Variants in GPR35 observed in about 807,000 individuals in gnomAD.
The protein encoded by GPR35 is G protein-coupled receptor 35.
For synonymous variants in GPR35, 207 were observed against 198.4 expected (o/e 1.04, Z -0.36); for missense variants, 372 against 422.5 (o/e 0.88, Z 1.05).
chr2:240,617,463 C>A, intron 4 of GPR35: 1 of 538,658 alleles, frequency 1.9e-6, no homozygotes, highest in Non-Finnish European at 3.3e-6. Flanking sequence ...AACCCTAATG[C>A]TAGTTTCATT....
upstream of GPR35, among the ~76,000 whole-genome samples, chr2:240,621,285 C>G (rs1321049644): frequency 6.6e-6 from 1 of 152,122 alleles, no homozygotes; most frequent in East Asian, 1.9e-4. Context: ...GATGGAGTCT[C>G]CCTCTATCGC....
upstream of GPR35, among the ~76,000 whole-genome samples, chr2:240,623,097 A>G (rs939284365): frequency 5.3e-5 from 8 of 152,164 alleles, no homozygotes; most frequent in African/African-American, 1.4e-4. Context: ...AGCACCTGAT[A>G]TGTCCCCGGC....
Position 240,631,969 on chromosome 2 carries a change from A to AC in GPR35, c.*1090dup, listed in dbSNP as rs71049510. On this transcript the variant is annotated 3_prime_UTR_variant, in exon 2 of 2. Coordinates refer to ENST00000407714, the MANE Select transcript of GPR35 (RefSeq NM_005301.5). ...CATGCGGCTGATGGCATCTCACAGG[A>AC]CCCAGGCTCCGGAGGGCCCATGCCC... is the stretch of plus-strand genomic sequence containing the variant. 0.47 allele frequency among the ~76,000 whole-genome samples: 72,140 copies of AC among 152,066 alleles called. 19,025 individuals are homozygous for AC. Among genetic ancestry groups the AC allele is most frequent in the South Asian group, 0.78 (3,770 of 4,824 alleles).
chr2:240,618,081 G>T (rs73999956), intron 4 of GPR35, among the ~76,000 whole-genome samples: 4,494 of 149,638 alleles, frequency 0.03, 201 homozygotes, highest in African/African-American at 0.1. Flanking sequence ...TTTTTTTTTT[G>T]AAAGACACAT....
chr2:240,622,961 G>T (rs1213140336), upstream of GPR35, among the ~76,000 whole-genome samples: 1 of 152,244 alleles, frequency 6.6e-6, no homozygotes, highest in Non-Finnish European at 1.5e-5. Context: ...AACAGGCCTG[G>T]CCTGGACTGG....
rs558199503 is a variant in GPR35, at chr2:240,631,028, G to C, written c.*146G>C. On this transcript the variant is annotated 3_prime_UTR_variant, in exon 2 of 2. Coordinates refer to ENST00000407714, the MANE Select transcript of GPR35 (RefSeq NM_005301.5). ...CTTGGAGCCTTGGGTGGGCAGGGAC[G>C]GCCCAGGTACCTGCTCTCTTGGGAA... 3.8e-5 allele frequency: 26 copies of C among 680,386 alleles called. No individual in the cohort carries two copies. Among genetic ancestry groups the C allele is most frequent in the Non-Finnish European group, 6.1e-5 (24 of 392,546 alleles). The allele number at this position is 680,386 out of a possible 1,614,324, so 42.1% of individuals were successfully genotyped here.
chr2:240,622,406 G>C (rs2975777), upstream of GPR35, among the ~76,000 whole-genome samples: 113,561 of 152,126 alleles, frequency 0.75, 42,963 homozygotes, highest in South Asian at 0.92. Flanking sequence ...CCCTGACATC[G>C]CCTCACAGAC....
chr2:240,620,311 C>G (rs1030182971), intron 5 of GPR35, among the ~76,000 whole-genome samples: 1 of 152,146 alleles, frequency 6.6e-6, no homozygotes, highest in Non-Finnish European at 1.5e-5. Context: ...TGGGATCTCC[C>G]TGCTGGTGGC....
rs536747484 is a variant in GPR35, at chr2:240,630,087, C to G, written c.135C>G (p.Phe45Leu). The G allele has an allele frequency of 6.2e-7, 1 of 1,610,708 alleles. No individual in the cohort carries two copies. Among genetic ancestry groups the G allele is most frequent in the African/African-American group, 1.3e-5 (1 of 75,068 alleles). Residue 45 changes from phenylalanine to leucine, a missense_variant, in exon 2 of 2, where the codon TTC (phenylalanine) becomes TTG (leucine). Transcript: ENST00000407714. ...TCAACAGCCTGGCGCTCTGGGTGTT[C>G]TGCTGCCGCATGCAGCAGTGGACGG... is the stretch of plus-strand genomic sequence containing the variant. Reference protein sequence around the residue: ...LLLNSLALWVFCCRMQQWTET... With the variant: ...LLLNSLALWVLCCRMQQWTET...
At chr2:240,616,467 T>C (rs1218998384) in exon 3 of GPR35, 1 of 780,712 alleles carries the variant, frequency 1.3e-6, no homozygotes. Flanking sequence ...TGCCTGCCAA[T>C]CTCCTGTCGA....
At chr2:240,609,060 T>C (rs1481928305) in intron 2 of GPR35, among the ~76,000 whole-genome samples, 1 of 152,172 alleles carries the variant, frequency 6.6e-6, no homozygotes, top group African/African-American at 2.4e-5. Flanking sequence ...GTCTGTAGGG[T>C]CTGAAGGGAT....
upstream of GPR35, among the ~76,000 whole-genome samples, chr2:240,621,917 G>A (rs2043300018): frequency 6.6e-6 from 1 of 152,228 alleles, no homozygotes; most frequent in Non-Finnish European, 1.5e-5. Flanking sequence ...GTTGCAACCA[G>A]GCTGGAGTGC....
chr2:240,616,443 G>C lies in GPR35; in HGVS notation c.-521G>C, dbSNP rs116680994. On this transcript the variant is annotated 5_prime_UTR_variant, in exon 3 of 6. Coordinates refer to the GPR35 transcript ENST00000319838. Reference sequence around the variant, plus strand: ...TGGACTTGCAAAGTCCAGCCTGTATGGCTGGAGTTCCCATGCCTGCCAATC... The same window carrying C: ...TGGACTTGCAAAGTCCAGCCTGTATCGCTGGAGTTCCCATGCCTGCCAATC... 4,139 of 780,708 alleles carry C rather than the reference G, an allele frequency of 5.3e-3. 102 individuals are homozygous for C. The African/African-American group carries it at 0.06, about 11-fold the overall frequency. The allele number at this position is 780,708 out of a possible 1,614,324, so 48.4% of individuals were successfully genotyped here. A position where few individuals can be genotyped will look rare whatever the true frequency, so the allele number is the denominator to read the frequency against.
chr2:240,613,323 G>A (rs1024724622), intron 2 of GPR35, among the ~76,000 whole-genome samples: 1 of 152,128 alleles, frequency 6.6e-6, no homozygotes, highest in Admixed American at 6.5e-5. Flanking sequence ...GGTGGAGAGG[G>A]GAGTGTTGGA....
At chr2:240,614,489 T>A (rs2125477395) in intron 2 of GPR35, among the ~76,000 whole-genome samples, 1 of 152,310 alleles carries the variant, frequency 6.6e-6, no homozygotes, top group South Asian at 2.1e-4. Context: ...AGGCCTTGGT[T>A]TCCCCACCTG....
At chr2:240,623,785 C>T (rs1369317028), upstream of GPR35, among the ~76,000 whole-genome samples, 1 of 152,166 alleles carries the variant, frequency 6.6e-6, no homozygotes, top group Non-Finnish European at 1.5e-5. Flanking sequence ...CAGTCAGAGT[C>T]TCTAAATGTC....
intron 1 of GPR35, among the ~76,000 whole-genome samples, chr2:240,625,988 AGGGTGAGGCTGTGATGGGGTCTCAGAGTG>A (rs1559438742): frequency 1.5e-3 from 7 of 4,686 alleles, no homozygotes; most frequent in Non-Finnish European, 3.0e-3. Context: ...TTCTCAGAGC[AGGGTGAGGCTGTGATGGGGTCTCAGAGTG>A]GGGTGAGGCT....
intron 2 of GPR35, among the ~76,000 whole-genome samples, chr2:240,613,014 C>T (rs1421105439): frequency 1.3e-5 from 2 of 152,254 alleles, no homozygotes; most frequent in South Asian, 4.1e-4. Context: ...CAATCAGCCT[C>T]ATCAGTGGCA....
intron 1 of GPR35, chr2:240,627,908 G>GGA (rs1216176364): frequency 6.6e-6 from 1 of 152,106 alleles, no homozygotes; most frequent in African/African-American, 2.4e-5. Flanking sequence ...CAATGGGAAG[G>GGA]GGTCTAGGCA....
Sources: gnomAD v4.1 joint callset for allele counts (sites outside exome capture counted in the v4.1 genomes callset) on GRCh38, gnomAD v4.1.1 for gene constraint, MANE v1.5 for transcripts, NCBI Gene and HGNC (gene_info 2026-07-23, HGNC 2026-07-21) for gene names.